Variants in TSHZ2 observed in about 807,000 individuals in gnomAD.
The protein encoded by TSHZ2 is teashirt zinc finger homeobox 2, also known as teashirt homolog 2.
In TSHZ2, 21 loss-of-function variants were observed where a neutral mutation model predicts 74.4. That is an observed-to-expected ratio of 0.28 (90% confidence interval 0.20 to 0.41). TSHZ2 has a LOEUF of 0.41. Among genes scored for constraint, TSHZ2 ranks in the 10% least tolerant of loss-of-function variants. The pLI is 1.00. For missense variants in TSHZ2, 1,244 were observed against 1,293.5 expected, an observed-to-expected ratio of 0.96 and a Z score of 0.59; for synonymous variants, 540 against 515.3, an observed-to-expected ratio of 1.05 and a Z score of -0.65.
intron 1 of TSHZ2, among the ~76,000 whole-genome samples, chr20:53,116,189 G>A (rs925441674): frequency 9.9e-5 from 15 of 152,014 alleles, no homozygotes; most frequent in African/African-American, 3.6e-4. Flanking sequence ...GCTATTAATT[G>A]ATTGCATTAC....
chr20:53,016,862 C>T (rs1301308527), intron 1 of TSHZ2, among the ~76,000 whole-genome samples: 7 of 152,128 alleles, frequency 4.6e-5, no homozygotes, highest in Admixed American at 1.3e-4. Context: ...AATACACAAC[C>T]CCCAAATCAC....
At chr20:53,200,798 A>C (rs145336679) in intron 1 of TSHZ2, among the ~76,000 whole-genome samples, 1 of 152,308 alleles carries the variant, frequency 6.6e-6, no homozygotes, top group Non-Finnish European at 1.5e-5. Context: ...AACAAGGAGA[A>C]TAGTTCTTTT....
At chr20:53,441,317 G>A (rs1349121842) in intron 2 of TSHZ2, among the ~76,000 whole-genome samples, 1 of 150,498 alleles carries the variant, frequency 6.6e-6, no homozygotes, top group Non-Finnish European at 1.5e-5. Flanking sequence ...CCAGGCTGGA[G>A]TGCAGTGGCA....
chr20:53,066,366 C>T (rs889465036), intron 1 of TSHZ2, among the ~76,000 whole-genome samples: 1 of 151,976 alleles, frequency 6.6e-6, no homozygotes, highest in African/African-American at 2.4e-5. Flanking sequence ...TCCTTCACTG[C>T]CCCCCACCCC....
intron 1 of TSHZ2, among the ~76,000 whole-genome samples, chr20:53,072,164 A>G (rs1985196518): frequency 6.6e-6 from 1 of 152,192 alleles, no homozygotes; most frequent in Non-Finnish European, 1.5e-5. Flanking sequence ...TAACCAACAA[A>G]TCCAAACAGA....
chr20:53,016,033 A>C (rs937227162), intron 1 of TSHZ2, among the ~76,000 whole-genome samples: 4 of 152,226 alleles, frequency 2.6e-5, no homozygotes, highest in Non-Finnish European at 5.9e-5. Context: ...CGGCTCAGCG[A>C]TGTAAATCAC....
At chr20:53,299,973 T>G (rs937134350) in intron 2 of TSHZ2, among the ~76,000 whole-genome samples, 1 of 152,250 alleles carries the variant, frequency 6.6e-6, no homozygotes, top group Non-Finnish European at 1.5e-5. Context: ...CCAGGGTTTA[T>G]CTTATTTACT....
chr20:53,132,579 C>A (rs965782705), intron 1 of TSHZ2, among the ~76,000 whole-genome samples: 1 of 152,134 alleles, frequency 6.6e-6, no homozygotes, highest in Non-Finnish European at 1.5e-5. Flanking sequence ...GACACCCAAC[C>A]CTGCCCATAA....
intron 1 of TSHZ2, among the ~76,000 whole-genome samples, chr20:53,212,227 C>CAAG (rs1989327616): frequency 6.6e-6 from 1 of 152,070 alleles, no homozygotes; most frequent in South Asian, 2.1e-4. Context: ...AATGACTTTG[C>CAAG]AATAATTTAA....
chr20:53,147,708 C>G (rs746926295), intron 1 of TSHZ2, among the ~76,000 whole-genome samples: 11 of 148,820 alleles, frequency 7.4e-5, no homozygotes, highest in Non-Finnish European at 1.2e-4. Context: ...AGTGGTGGGT[C>G]TATTTTGTTT....
At chr20:53,294,298 A>G (rs759429929) in intron 2 of TSHZ2, among the ~76,000 whole-genome samples, 9 of 152,242 alleles carry the variant, frequency 5.9e-5, no homozygotes, top group Non-Finnish European at 1.3e-4. Flanking sequence ...GACGTTTGCT[A>G]AATGGCTTGA....
chr20:53,255,895 T>C lies in TSHZ2; in HGVS notation c.2437T>C (p.Ser813Pro). Residue 813 changes from serine (S) to proline (P), a missense_variant, in exon 2 of 3, where the codon TCC becomes CCC. By Grantham distance (74) the Ser-to-Pro change is moderately conservative. Coordinates refer to ENST00000371497, the MANE Select transcript of TSHZ2 (RefSeq NM_173485.6). The surrounding 1 kb of genome is among the most constrained non-coding windows in gnomAD (Gnocchi z 4.1). ...PKATTPKPAS[S>P]SRVPPMKLEM... is the part of the protein sequence containing the mutation. ...AGCCACCACCCCAAAGCCAGCCTCC[T>C]CCTCCAGGGTCCCCCCCATGAAGCT... 2 of 1,613,716 alleles carry C rather than the reference T, an allele frequency of 1.2e-6. No homozygotes were observed. Among genetic ancestry groups the C allele is most frequent in the Non-Finnish European group, 8.5e-7 (1 of 1,179,840 alleles).
chr20:53,296,428 C>A (rs983873326), intron 2 of TSHZ2, among the ~76,000 whole-genome samples: 2 of 152,114 alleles, frequency 1.3e-5, no homozygotes, highest in Admixed American at 1.3e-4. Flanking sequence ...AATATGTAAC[C>A]TCCTTCAAAT....
intron 1 of TSHZ2, among the ~76,000 whole-genome samples, chr20:53,073,049 C>T (rs1310752461): frequency 3.4e-5 from 5 of 146,530 alleles, no homozygotes; most frequent in African/African-American, 1.2e-4. Flanking sequence ...ATCCATTCCT[C>T]CTTAATCCAT....
At chr20:53,320,124 C>T (rs1419080972) in intron 2 of TSHZ2, among the ~76,000 whole-genome samples, 2 of 152,242 alleles carry the variant, frequency 1.3e-5, no homozygotes, top group Non-Finnish European at 2.9e-5. Context: ...TCGTTACGGT[C>T]ATTATCTTCA....
intron 1 of TSHZ2, among the ~76,000 whole-genome samples, chr20:53,228,892 T>C (rs1173251995): frequency 2.0e-5 from 3 of 152,216 alleles, no homozygotes; most frequent in African/African-American, 7.2e-5. Flanking sequence ...ACAGCTTCCC[T>C]CCACTGTAAT....
At chr20:53,075,768 G>T (rs1337777511) in intron 1 of TSHZ2, among the ~76,000 whole-genome samples, 4 of 152,194 alleles carry the variant, frequency 2.6e-5, no homozygotes, top group African/African-American at 9.6e-5. Flanking sequence ...TTTAAACTGG[G>T]AGAGTCCACG....
intron 2 of TSHZ2, among the ~76,000 whole-genome samples, chr20:53,285,449 G>A (rs567694884): frequency 8.5e-5 from 13 of 152,276 alleles, no homozygotes; most frequent in Non-Finnish European, 1.5e-4. Flanking sequence ...GGTGGCTCAC[G>A]CTTGTATCCC....
At chr20:52,976,867 C>T (rs1214534216) in intron 1 of TSHZ2, among the ~76,000 whole-genome samples, 2 of 152,204 alleles carry the variant, frequency 1.3e-5, no homozygotes, top group Admixed American at 6.5e-5. Flanking sequence ...CTCTTAAAGG[C>T]TTTCTGATCA....
Sources: gnomAD v4.1 joint callset for allele counts (sites outside exome capture counted in the v4.1 genomes callset) on GRCh38, gnomAD v4.1.1 for gene constraint, Gnocchi (gnomAD v3.1) non-coding constraint, MANE v1.5 for transcripts, NCBI Gene and HGNC (gene_info 2026-07-23, HGNC 2026-07-21) for gene names.